HECW1: variants seen among roughly 807,000 people sequenced by gnomAD.
HECW1 encodes HECT, C2 and WW domain containing E3 ubiquitin protein ligase 1, also known as E3 ubiquitin-protein ligase HECW1.
Under a neutral mutation model 182.3 loss-of-function variants are expected in HECW1, and 61 were observed. The ratio of observed to expected loss-of-function variants is 0.33; its 90% CI spans 0.27 to 0.41. The LOEUF is 0.41. Ranked by LOEUF, HECW1 falls within the 10% of genes least tolerant of loss-of-function variation. The pLI, the probability that HECW1 is intolerant of heterozygous loss-of-function variation, is 1.00. For missense variants in HECW1, 1,739 were observed against 2,108.9 expected, an observed-to-expected ratio of 0.82 and a Z score of 3.44; for synonymous variants, 859 against 832.6, an observed-to-expected ratio of 1.03 and a Z score of -0.55.
At position 43,335,867 on chromosome 7, in the gene HECW1, TTC is replaced by T. The variant is rs1812083536; in HGVS notation, c.460+15129_460+15130del. On this transcript the variant is annotated intron_variant, in intron 5 of 29. Transcript: ENST00000395891. ...TCCCTTTCTCCCTTCATCTCTCTCT[TTC>T]TCTTTCTCCCTTCATCTTTCTTTCT... 6.0e-5 allele frequency among the ~76,000 whole-genome samples: 9 copies of T among 150,652 alleles called. No individual in the cohort carries two copies. The South Asian group carries it at 1.7e-3, about 28-fold the overall frequency.
chr7:43,413,081 G>T (rs913998784), intron 8 of HECW1, among the ~76,000 whole-genome samples: 16 of 148,620 alleles, frequency 1.1e-4, no homozygotes, highest in Admixed American at 3.3e-4. Context: ...CAGTGTAAAA[G>T]TGTTCCTATT....
intron 2 of HECW1, among the ~76,000 whole-genome samples, chr7:43,173,759 A>C (rs1025632611): frequency 2.0e-5 from 3 of 152,274 alleles, no homozygotes; most frequent in African/African-American, 7.2e-5. Context: ...CTATTGGTCT[A>C]TGGTCCAGGA....
intron 2 of HECW1, among the ~76,000 whole-genome samples, chr7:43,142,866 C>G (rs562701726): frequency 6.9e-6 from 1 of 144,078 alleles, no homozygotes; most frequent in Admixed American, 6.8e-5. Flanking sequence ...ATCGACAGGT[C>G]CCAGATCTGT....
At chr7:43,148,379 C>T (rs2152641339) in intron 2 of HECW1, among the ~76,000 whole-genome samples, 1 of 151,960 alleles carries the variant, frequency 6.6e-6, no homozygotes, top group Non-Finnish European at 1.5e-5. Context: ...TGACAGCACT[C>T]CCAGCACCTG....
intron 11 of HECW1, among the ~76,000 whole-genome samples, chr7:43,447,522 G>A (rs545440195): frequency 6.6e-5 from 10 of 152,252 alleles, no homozygotes; most frequent in South Asian, 2.1e-4. Flanking sequence ...TCACTATGGC[G>A]ATCACAAGGG....
chr7:43,556,692 T>G (rs2082036793), intron 29 of HECW1, among the ~76,000 whole-genome samples: 1 of 120,630 alleles, frequency 8.3e-6, no homozygotes, highest in African/African-American at 2.7e-5. Context: ...TGTCTCAAAT[T>G]AAATTAAAAA....
chr7:43,265,835 C>G (rs1801722413), intron 3 of HECW1, among the ~76,000 whole-genome samples: 1 of 152,168 alleles, frequency 6.6e-6, no homozygotes, highest in Non-Finnish European at 1.5e-5. Context: ...CAAAACTCCC[C>G]CCTCAGGTTC....
chr7:43,335,190 T>C (rs898683401), intron 5 of HECW1, among the ~76,000 whole-genome samples: 3 of 152,116 alleles, frequency 2.0e-5, no homozygotes, highest in African/African-American at 7.2e-5. Context: ...GTAGTCAAAA[T>C]AATCCACAAT....
At chr7:43,538,991 T>A (rs573574028) in intron 24 of HECW1, among the ~76,000 whole-genome samples, 2 of 152,244 alleles carry the variant, frequency 1.3e-5, no homozygotes, top group Non-Finnish European at 2.9e-5. Flanking sequence ...CTCCAGAAAT[T>A]GGTGATGGAT....
At chr7:43,185,461 G>A (rs1400172238) in intron 2 of HECW1, among the ~76,000 whole-genome samples, 2 of 152,188 alleles carry the variant, frequency 1.3e-5, no homozygotes, top group Non-Finnish European at 2.9e-5. Flanking sequence ...CTGAAGTGGG[G>A]CCAATCTTGT....
At chr7:43,492,216 G>C (rs755301319) in intron 18 of HECW1, 36 bp downstream of exon 18, 37 of 1,387,264 alleles carry the variant, frequency 2.7e-5, no homozygotes, top group Non-Finnish European at 3.6e-5. Flanking sequence ...CTGGCTCAAA[G>C]AATAGCAACA....
intron 16 of HECW1, among the ~76,000 whole-genome samples, chr7:43,474,216 A>C (rs905523154): frequency 6.6e-6 from 1 of 152,298 alleles, no homozygotes; most frequent in South Asian, 2.1e-4. Flanking sequence ...TTGGGAGGCC[A>C]AGGCGGGTGG....
rs151011465 is a variant in HECW1, at chr7:43,517,096, G to A, written c.4019+7975G>A. On this transcript the variant is annotated intron_variant, in intron 24 of 29. Coordinates refer to ENST00000395891, the MANE Select transcript of HECW1 (RefSeq NM_015052.5). ...ATGTATCATTTTAAGAAACGACTAC[G>A]TTATGAGTCACTCTTTACATAATTG... is the stretch of plus-strand genomic sequence containing the variant. 5.6e-3 allele frequency among the ~76,000 whole-genome samples: 857 copies of A among 152,236 alleles called. 7 individuals are homozygous for A. Among genetic ancestry groups the A allele is most frequent in the African/African-American group, 0.019 (803 of 41,544 alleles).
intron 16 of HECW1, among the ~76,000 whole-genome samples, chr7:43,475,577 G>C (rs544198393): frequency 6.6e-6 from 1 of 152,090 alleles, no homozygotes; most frequent in African/African-American, 2.4e-5. Context: ...GTGAGACTGG[G>C]TCTCGCTCTG....
chr7:43,421,816 C>A (rs2076193391), intron 8 of HECW1, among the ~76,000 whole-genome samples: 1 of 152,178 alleles, frequency 6.6e-6, no homozygotes, highest in African/African-American at 2.4e-5. Flanking sequence ...AACATAGACT[C>A]TCCAACTCTG....
chr7:43,370,934 C>G (rs370695300), intron 6 of HECW1, among the ~76,000 whole-genome samples: 3 of 150,026 alleles, frequency 2.0e-5, no homozygotes, highest in African/African-American at 7.4e-5. Flanking sequence ...GTCACCCAGG[C>G]TGGAGTGCAG....
chr7:43,363,939 C>T (rs1278061178), intron 6 of HECW1, among the ~76,000 whole-genome samples: 3 of 152,138 alleles, frequency 2.0e-5, no homozygotes, highest in Non-Finnish European at 2.9e-5. Flanking sequence ...GTTAAATAAG[C>T]CTTTGCAGTC....
At chr7:43,535,803 G>A (rs1208107435) in intron 24 of HECW1, among the ~76,000 whole-genome samples, 1 of 152,160 alleles carries the variant, frequency 6.6e-6, no homozygotes, top group African/African-American at 2.4e-5. Context: ...GGCCATAAAT[G>A]TCACCTTGGG....
At chr7:43,333,803 G>A (rs895623584) in intron 5 of HECW1, among the ~76,000 whole-genome samples, 7 of 152,158 alleles carry the variant, frequency 4.6e-5, no homozygotes, top group African/African-American at 1.4e-4. Context: ...CTCTGGGTCA[G>A]CCACAGGGAG....
Sources: gnomAD v4.1 joint callset for allele counts (sites outside exome capture counted in the v4.1 genomes callset) on GRCh38, gnomAD v4.1.1 for gene constraint, MANE v1.5 for transcripts, NCBI Gene and HGNC (gene_info 2026-07-23, HGNC 2026-07-21) for gene names.